PUS7: variants seen among roughly 807,000 people sequenced by gnomAD.
PUS7 encodes pseudouridylate synthase 7 homolog.
PUS7 carries 48 observed loss-of-function variants against 79.8 expected under a neutral mutation model. The observed-to-expected ratio is 0.60, with a 90% CI of 0.48 to 0.76. The LOEUF (loss-of-function observed/expected upper bound fraction) is 0.76, where lower values mean the gene tolerates loss of function less well. Among genes scored for constraint, PUS7 ranks in the 30% least tolerant of loss-of-function variants. The pLI is 0.00. For missense variants in PUS7, 729 were observed against 797.6 expected, an observed-to-expected ratio of 0.91 and a Z score of 1.04; for synonymous variants, 286 against 272.2, an observed-to-expected ratio of 1.05 and a Z score of -0.50.
chr7:105,465,247 T>C, intron 13 of PUS7, 66 bp downstream of exon 13: 1 of 1,180,052 alleles, frequency 8.5e-7, no homozygotes, highest in Non-Finnish European at 1.2e-6. Flanking sequence ...AGTTTATATA[T>C]GCTTGAAATA....
intron 1 of PUS7, among the ~76,000 whole-genome samples, chr7:105,510,706 G>A (rs1482693983): frequency 6.6e-6 from 1 of 151,958 alleles, no homozygotes; most frequent in East Asian, 1.9e-4. Context: ...GTAGAGACAG[G>A]GGTTCACCAT....
At chr7:105,521,897 T>C (rs1014563859) in intron 1 of PUS7, among the ~76,000 whole-genome samples, 155 bp downstream of exon 1, 6 of 150,944 alleles carry the variant, frequency 4.0e-5, no homozygotes, top group Non-Finnish European at 8.9e-5. Flanking sequence ...GCACGATCCA[T>C]AATGGAGGCG....
chr7:105,502,100 T>C (rs964473795), intron 5 of PUS7, among the ~76,000 whole-genome samples: 2 of 152,044 alleles, frequency 1.3e-5, no homozygotes, highest in Non-Finnish European at 2.9e-5. Context: ...AATCCTTCTA[T>C]TTTCTTCTTG....
chr7:105,489,804 T>C (rs1265500740), intron 7 of PUS7, among the ~76,000 whole-genome samples: 1 of 152,092 alleles, frequency 6.6e-6, no homozygotes, highest in Non-Finnish European at 1.5e-5. Flanking sequence ...AAATTCTTTA[T>C]AAAAAGATGA....
chr7:105,515,807 A>ATTTAT, intron 1 of PUS7, among the ~76,000 whole-genome samples: 1 of 142,958 alleles, frequency 7.0e-6, no homozygotes, highest in Non-Finnish European at 1.5e-5. Flanking sequence ...TTATTTATTT[A>ATTTAT]TTTATTTATT....
At chr7:105,510,245 A>G (rs1463134022) in intron 1 of PUS7, among the ~76,000 whole-genome samples, 1 of 152,104 alleles carries the variant, frequency 6.6e-6, no homozygotes, top group East Asian at 1.9e-4. Context: ...GGTTGTGGTG[A>G]GCTGAAATTG....
intron 8 of PUS7, among the ~76,000 whole-genome samples, chr7:105,482,029 C>T (rs1267896847): frequency 2.0e-5 from 3 of 152,152 alleles, no homozygotes; most frequent in African/African-American, 7.2e-5. Context: ...TGCGCCCAGC[C>T]GGCTCGGTGT....
Position 105,497,647 on chromosome 7 carries a change from T to C in PUS7, c.731-2394A>G, listed in dbSNP as rs373555639. On this transcript the variant is annotated intron_variant, in intron 5 of 15. Coordinates refer to ENST00000469408, the MANE Select transcript of PUS7 (RefSeq NM_019042.5). ...AACCAAATATGCAATAGGTATGTGATAGGAAGAAATTATTGTTGATGTTTT... is the reference window on the plus strand; with the variant it reads ...AACCAAATATGCAATAGGTATGTGACAGGAAGAAATTATTGTTGATGTTTT... Among the ~76,000 whole-genome samples the C allele has an allele frequency of 1.2e-3, 179 of 152,296 alleles. 2 individuals are homozygous for C. Among genetic ancestry groups the C allele is most frequent in the African/African-American group, 4.1e-3 (169 of 41,552 alleles).
chr7:105,495,038 A>G (rs1824952561), intron 6 of PUS7, 104 bp downstream of exon 6: 1 of 610,396 alleles, frequency 1.6e-6, no homozygotes, highest in South Asian at 2.4e-5. Context: ...AGCATTTACT[A>G]TCTGTAATCT....
intron 14 of PUS7, among the ~76,000 whole-genome samples, chr7:105,460,889 A>T (rs144602903): frequency 0.022 from 3,283 of 149,624 alleles, 50 homozygotes; most frequent in Non-Finnish European, 0.032. Flanking sequence ...TGTTTTTGAG[A>T]CAGGGTTTCG....
At chr7:105,500,182 T>A (rs772433270) in intron 5 of PUS7, among the ~76,000 whole-genome samples, 4 of 152,196 alleles carry the variant, frequency 2.6e-5, no homozygotes, top group Non-Finnish European at 5.9e-5. Context: ...TCTTGCTTCT[T>A]TTTAAAGTGA....
chr7:105,465,524 G>T, intron 12 of PUS7, 110 bp from the exon 13 acceptor site: 2 of 802,152 alleles, frequency 2.5e-6, no homozygotes, highest in Non-Finnish European at 3.9e-6. Context: ...AGTTGGTACA[G>T]GTTCAGTGAC....
chr7:105,489,216 T>A (rs190461969), intron 7 of PUS7, among the ~76,000 whole-genome samples: 14 of 151,008 alleles, frequency 9.3e-5, no homozygotes, highest in East Asian at 3.9e-4. Context: ...TTTTTTTTTT[T>A]AATCAGAAAC....
At chr7:105,511,836 A>T (rs1233496355) in intron 1 of PUS7, among the ~76,000 whole-genome samples, 3 of 151,948 alleles carry the variant, frequency 2.0e-5, no homozygotes, top group African/African-American at 7.2e-5. Context: ...AGGGATTGAA[A>T]AAAATGTCAG....
At chr7:105,502,645 C>G in intron 4 of PUS7, 81 bp from the exon 5 acceptor site, 4 of 1,437,202 alleles carry the variant, frequency 2.8e-6, no homozygotes, top group South Asian at 1.2e-5. Context: ...AGTAAAAACA[C>G]TGCTCACCTT....
intron 10 of PUS7, 73 bp from the exon 11 acceptor site, chr7:105,470,921 C>G: frequency 7.1e-7 from 1 of 1,413,176 alleles, no homozygotes; most frequent in Non-Finnish European, 9.4e-7. Context: ...GTACACTTCA[C>G]AGAGAACACA....
At chr7:105,490,956 C>T (rs918950526) in intron 7 of PUS7, among the ~76,000 whole-genome samples, 7 of 152,216 alleles carry the variant, frequency 4.6e-5, no homozygotes, top group African/African-American at 1.7e-4. Context: ...ACAGGACAGT[C>T]CCTACAACAA....
intron 14 of PUS7, among the ~76,000 whole-genome samples, chr7:105,460,431 G>A (rs1823374460): frequency 6.6e-6 from 1 of 152,202 alleles, no homozygotes; most frequent in African/African-American, 2.4e-5. Context: ...ATACTCCAGA[G>A]AGGAGGAGGT....
chr7:105,494,989 A>AG lies in PUS7; in HGVS notation c.842+152_842+153insC, dbSNP rs572172871. Among the ~76,000 whole-genome samples the AG allele has an allele frequency of 8.3e-3, 1,239 of 149,706 alleles. 8 individuals are homozygous for AG. Among genetic ancestry groups the AG allele is most frequent in the Non-Finnish European group, 0.011 (718 of 67,602 alleles). Reference sequence around the variant, plus strand: ...GAGACTGTCTAAAAAAAAAAAAAAAAAAAGAAAGAAAGAAAGAAAGAAAAC... The same window carrying AG: ...GAGACTGTCTAAAAAAAAAAAAAAAAGAAAGAAAGAAAGAAAGAAAGAAAAC... On this transcript the variant is annotated intron_variant, in intron 6 of 15. Transcript: ENST00000469408.
Sources: gnomAD v4.1 joint callset for allele counts (sites outside exome capture counted in the v4.1 genomes callset) on GRCh38, gnomAD v4.1.1 for gene constraint, MANE v1.5 for transcripts, NCBI Gene and HGNC (gene_info 2026-07-23, HGNC 2026-07-21) for gene names.